The following MYO1E variants were observed in gnomAD, a reference collection of about 807,000 sequenced individuals.
The protein encoded by MYO1E is myosin IE, also known as unconventional myosin-Ie.
MYO1E carries 68 observed loss-of-function variants against 151.1 expected under a neutral mutation model. That is an observed-to-expected ratio of 0.45 (90% CI 0.37 to 0.55). The LOEUF (loss-of-function observed/expected upper bound fraction) is 0.55. MYO1E is among the 20% of genes least tolerant of loss of function. MYO1E has a pLI of 0.00. For synonymous variants in MYO1E, 601 were observed against 501.7 expected, an observed-to-expected ratio of 1.20 and a Z score of -2.64; for missense variants, 1,363 against 1,389.3, an observed-to-expected ratio of 0.98 and a Z score of 0.30.
At chr15:59,214,840 G>A in intron 10 of MYO1E, 120 bp from the exon 11 acceptor site, 1 of 815,680 alleles carries the variant, frequency 1.2e-6, no homozygotes, top group Non-Finnish European at 2.2e-6. Flanking sequence ...AGGAAACAGA[G>A]GACAAGTGAA....
At chr15:59,222,231 G>A (rs567676250) in intron 9 of MYO1E, among the ~76,000 whole-genome samples, 25 of 152,302 alleles carry the variant, frequency 1.6e-4, no homozygotes, top group Admixed American at 1.5e-3. Context: ...TGAGTGGGAT[G>A]CTATTTATTA....
intron 25 of MYO1E, among the ~76,000 whole-genome samples, chr15:59,155,553 T>G (rs764383440): frequency 1.3e-5 from 2 of 152,128 alleles, no homozygotes; most frequent in African/African-American, 4.8e-5. Flanking sequence ...GTCGGAAACT[T>G]TGTGGCCTGA....
chr15:59,292,476 C>T (rs1472719398), intron 1 of MYO1E, among the ~76,000 whole-genome samples: 4 of 152,172 alleles, frequency 2.6e-5, no homozygotes, highest in Admixed American at 1.3e-4. Context: ...TCATGTTGGC[C>T]GCAAGGATGG....
At chr15:59,364,798 AG>A (rs1442721572) in intron 1 of MYO1E, among the ~76,000 whole-genome samples, 1 of 151,972 alleles carries the variant, frequency 6.6e-6, no homozygotes, top group African/African-American at 2.4e-5. Flanking sequence ...CCAGCTACTC[AG>A]GAGGTTGAGG....
chr15:59,306,156 C>A (rs1360212980), intron 1 of MYO1E, among the ~76,000 whole-genome samples: 1 of 152,192 alleles, frequency 6.6e-6, no homozygotes, highest in Non-Finnish European at 1.5e-5. Flanking sequence ...TTACACAAAT[C>A]ATTTGCAATT....
intron 17 of MYO1E, among the ~76,000 whole-genome samples, chr15:59,193,044 T>C (rs2079743465): frequency 1.2e-5 from 1 of 83,080 alleles, no homozygotes; most frequent in South Asian, 4.9e-4. Context: ...AACAACTTAG[T>C]GATAGGTCAG....
intron 20 of MYO1E, 76 bp downstream of exon 20, chr15:59,174,050 G>A: frequency 6.7e-7 from 1 of 1,503,568 alleles, no homozygotes; most frequent in East Asian, 2.3e-5. Flanking sequence ...AAATAAAATG[G>A]AACTTAAAAC....
rs1411175146 is a variant in MYO1E at position 59,256,431 on chromosome 15, A to G, written c.238-53T>C. 2.6e-6 allele frequency: 3 copies of G among 1,136,476 alleles called. No individual in the cohort carries two copies. The African/African-American group carries it at 4.7e-5, about 18-fold the overall frequency. The allele number at this position is 1,136,476 out of a possible 1,614,324, so 70.4% of individuals were successfully genotyped here. A position where few individuals can be genotyped will look rare whatever the true frequency, so the allele number is the denominator to read the frequency against. On this transcript the variant is annotated intron_variant, in intron 3 of 27. Transcript: ENST00000288235. ...AAATAATAATAAAAATTTAAAAATA[A>G]AAACAAAATCATGGTCAGATAGGCA...
chr15:59,144,270 A>C (rs1185788293), intron 26 of MYO1E, among the ~76,000 whole-genome samples: 1 of 151,762 alleles, frequency 6.6e-6, no homozygotes, highest in Non-Finnish European at 1.5e-5. Context: ...AGGTTCAAGC[A>C]ATTCTCGTGC....
At chr15:59,231,980 G>C (rs1386458407) in intron 5 of MYO1E, among the ~76,000 whole-genome samples, 189 bp from the exon 6 acceptor site, 2 of 152,230 alleles carry the variant, frequency 1.3e-5, no homozygotes, top group East Asian at 3.9e-4. Context: ...TTGTGTATTT[G>C]GGTCTTCCAA....
chr15:59,142,340 T>C (rs2079415205), intron 26 of MYO1E, among the ~76,000 whole-genome samples: 1 of 152,226 alleles, frequency 6.6e-6, no homozygotes, highest in Middle Eastern at 3.4e-3. Flanking sequence ...TATGGGGGCT[T>C]AGATACAGGG....
At chr15:59,361,677 G>A (rs2080886088) in intron 1 of MYO1E, among the ~76,000 whole-genome samples, 1 of 152,078 alleles carries the variant, frequency 6.6e-6, no homozygotes, top group Admixed American at 6.6e-5. Flanking sequence ...CAACTGCCTA[G>A]AATTAATAAT....
At chr15:59,338,363 G>A (rs1433259883) in intron 1 of MYO1E, among the ~76,000 whole-genome samples, 9 of 146,670 alleles carry the variant, frequency 6.1e-5, no homozygotes, top group Non-Finnish European at 8.9e-5. Context: ...TCCCAGATCT[G>A]TGCTGAGCAA....
intron 14 of MYO1E, chr15:59,207,110 T>C (rs777185650): frequency 1.5e-5 from 24 of 1,614,128 alleles, no homozygotes; most frequent in Middle Eastern, 3.3e-4. Context: ...AAGAGTGAGC[T>C]TATTGAGCGT....
Position 59,157,130 on chromosome 15 carries a change from G to GTGGGAGGATCACT in MYO1E, c.2878+1144_2878+1156dup, listed in dbSNP as rs1254682517. Among the ~76,000 whole-genome samples, 9 of 152,176 alleles carry GTGGGAGGATCACT rather than the reference G, an allele frequency of 5.9e-5. No homozygotes were observed. In the Middle Eastern group the frequency reaches 0.014, roughly 230 times the overall value. ...AGTCCCAGCTACTCAAGGGGCTGAG[G>GTGGGAGGATCACT]TGGGAGGATCACTTGATCCAGGGAG... On this transcript the variant is annotated intron_variant, in intron 25 of 27. Coordinates refer to ENST00000288235, the MANE Select transcript of MYO1E (RefSeq NM_004998.4).
In MYO1E at chr15:59,206,722, T is replaced by G. The variant is rs2079836468; in HGVS notation, c.1531-1237A>C. 7 of 552,812 alleles carry G rather than the reference T, an allele frequency of 1.3e-5. No individual in the cohort carries two copies. The South Asian group carries it at 1.9e-4, about 15-fold the overall frequency. 34.2% of individuals were successfully genotyped at this position (552,812 alleles called of 1,614,324 possible). ...AAAACTAACTCCAGAAATCACTTGCTAGAGAAGCAGCCCTTCACTGCCTTA... is the reference window on the plus strand; with the variant it reads ...AAAACTAACTCCAGAAATCACTTGCGAGAGAAGCAGCCCTTCACTGCCTTA... On this transcript the variant is annotated intron_variant, in intron 14 of 27. Transcript: ENST00000288235.
chr15:59,161,272 T>C (rs573594406), intron 23 of MYO1E, 42 bp from the exon 24 acceptor site: 1 of 1,605,014 alleles, frequency 6.2e-7, no homozygotes, highest in African/African-American at 1.3e-5. Context: ...AAGGACGCAG[T>C]GAGAAAACGG....
intron 1 of MYO1E, among the ~76,000 whole-genome samples, chr15:59,311,810 A>C (rs1486377740): frequency 6.6e-6 from 1 of 152,146 alleles, no homozygotes; most frequent in African/African-American, 2.4e-5. Flanking sequence ...GGATGCTGTT[A>C]TTGTGGGAGT....
At chr15:59,161,820 A>G (rs753697523) in intron 23 of MYO1E, among the ~76,000 whole-genome samples, 3 of 152,214 alleles carry the variant, frequency 2.0e-5, no homozygotes, top group African/African-American at 7.2e-5. Flanking sequence ...ATGCTTCTAT[A>G]TTGCATATAT....
Sources: allele counts gnomAD v4.1 joint callset (sites outside exome capture counted in the v4.1 genomes callset), GRCh38; gene constraint gnomAD v4.1.1; transcripts MANE v1.5; gene names NCBI Gene and HGNC (gene_info 2026-07-23, HGNC 2026-07-21).